Variants in PLPP1 observed in about 807,000 individuals in gnomAD.
The protein encoded by PLPP1 is phospholipid phosphatase 1, also known as lipid phosphate phosphohydrolase 1a.
Under a neutral mutation model 31.2 loss-of-function variants are expected in PLPP1, and 24 were observed. The ratio of observed to expected loss-of-function variants is 0.77; its 90% confidence interval spans 0.56 to 1.08. PLPP1 has a LOEUF of 1.08. Ranked by LOEUF, PLPP1 falls within the 50% of genes least tolerant of loss-of-function variation. The pLI is 0.00. For synonymous variants in PLPP1, 146 were observed against 126.3 expected, an observed-to-expected ratio of 1.16 and a Z score of -1.05; for missense variants, 319 against 342.7, an observed-to-expected ratio of 0.93 and a Z score of 0.55.
At chr5:55,517,322 G>A (rs1404640649) in intron 1 of PLPP1, among the ~76,000 whole-genome samples, 1 of 152,078 alleles carries the variant, frequency 6.6e-6, no homozygotes, top group Admixed American at 6.5e-5. Context: ...GTTAGCTGGG[G>A]ACTACAGGCC....
chr5:55,431,803 CAAA>C (rs543993738), intron 4 of PLPP1, among the ~76,000 whole-genome samples: 4 of 151,818 alleles, frequency 2.6e-5, no homozygotes, highest in African/African-American at 7.3e-5. Context: ...AAAGGATCAA[CAAA>C]AAAAGTTGCT....
chr5:55,451,425 T>C (rs1751888566), intron 3 of PLPP1, among the ~76,000 whole-genome samples: 3 of 152,170 alleles, frequency 2.0e-5, no homozygotes, highest in African/African-American at 7.2e-5. Flanking sequence ...AATGTAAAAT[T>C]ATTAGAGCCC....
chr5:55,503,889 G>T (rs1753201772), intron 1 of PLPP1, among the ~76,000 whole-genome samples: 2 of 56,174 alleles, frequency 3.6e-5, no homozygotes, highest in Admixed American at 3.2e-4. Context: ...AAGTAGAGGG[G>T]GGAGGAAGTA....
At chr5:55,511,417 A>G (rs942607169) in intron 1 of PLPP1, among the ~76,000 whole-genome samples, 1 of 152,186 alleles carries the variant, frequency 6.6e-6, no homozygotes, top group Non-Finnish European at 1.5e-5. Flanking sequence ...AATTTCAGAC[A>G]ATTATATTGA....
chr5:55,530,727 G>C (rs1486887837), intron 1 of PLPP1: 1 of 1,572,592 alleles, frequency 6.4e-7, no homozygotes, highest in Non-Finnish European at 8.8e-7. Flanking sequence ...CACGACACAG[G>C]GGACAATGTG....
chr5:55,513,174 G>A lies in PLPP1; in HGVS notation c.58+21398C>T, dbSNP rs149059292. 3.3e-3 allele frequency among the ~76,000 whole-genome samples: 500 copies of A among 152,056 alleles called. 2 individuals are homozygous for A. The highest frequency in any genetic ancestry group is 0.011 in the African/African-American group (459 of 41,466). On this transcript the variant is annotated intron_variant, in intron 1 of 5. Transcript: ENST00000307259. Reference sequence around the variant, plus strand: ...AATGAAGTCTCCCTTATTAGTAACTGGGAAAGAAATAATTTCTCCTATTTC... The same window carrying A: ...AATGAAGTCTCCCTTATTAGTAACTAGGAAAGAAATAATTTCTCCTATTTC...
chr5:55,446,128 T>C (rs1455142540), intron 3 of PLPP1, among the ~76,000 whole-genome samples: 1 of 152,210 alleles, frequency 6.6e-6, no homozygotes, highest in Non-Finnish European at 1.5e-5. Flanking sequence ...GCTTCTTCTA[T>C]CTGAGGACTC....
chr5:55,425,656 T>TAA (rs1751164706), intron 5 of PLPP1: 1 of 501,474 alleles, frequency 2.0e-6, no homozygotes, highest in Non-Finnish European at 3.3e-6. Flanking sequence ...ATAAAAATAC[T>TAA]AAGATTTTAC....
At chr5:55,511,579 T>C (rs547617917) in intron 1 of PLPP1, among the ~76,000 whole-genome samples, 21 of 150,800 alleles carry the variant, frequency 1.4e-4, no homozygotes, top group Admixed American at 3.3e-4. Context: ...TGGATGATGG[T>C]GAGAATATTA....
intron 3 of PLPP1, among the ~76,000 whole-genome samples, chr5:55,465,714 A>G (rs71622177): frequency 0.057 from 8,706 of 152,070 alleles, 439 homozygotes; most frequent in Admixed American, 0.11. Flanking sequence ...TCTTCTTTAT[A>G]ATTTGTTTTA....
intron 1 of PLPP1, among the ~76,000 whole-genome samples, chr5:55,518,664 G>C (rs906095083): frequency 1.3e-5 from 2 of 152,068 alleles, no homozygotes; most frequent in Non-Finnish European, 2.9e-5. Context: ...TTCTTAGCCA[G>C]GCTAAGTTTA....
chr5:55,467,867 A>T lies in PLPP1; in HGVS notation c.491+2T>A. The T allele has an allele frequency of 6.2e-7, 1 of 1,607,386 alleles. No homozygotes were observed. Among genetic ancestry groups the T allele is most frequent in the Non-Finnish European group, 8.5e-7 (1 of 1,176,192 alleles). On this transcript the variant is annotated splice_donor_variant, in intron 3 of 5. Coordinates refer to ENST00000307259, the MANE Select transcript of PLPP1 (RefSeq NM_003711.4). LOFTEE classifies it high-confidence loss of function. Reference sequence around the variant, plus strand: ...AACAAGCATTAGCGATTTAACACTCACCTGCCTTCCTTAACTCTTTCTGCA... The same window carrying T: ...AACAAGCATTAGCGATTTAACACTCTCCTGCCTTCCTTAACTCTTTCTGCA...
chr5:55,429,423 C>T (rs960472626), intron 4 of PLPP1, among the ~76,000 whole-genome samples: 1 of 152,082 alleles, frequency 6.6e-6, no homozygotes, highest in Non-Finnish European at 1.5e-5. Context: ...AGGCAGGGTA[C>T]CTGGCAGGGA....
At position 55,534,658 on chromosome 5, in the gene PLPP1, C is replaced by G. The variant is rs1243551701; in HGVS notation, c.-29G>C. 1.3e-6 allele frequency: 2 copies of G among 1,531,094 alleles called. No individual in the cohort carries two copies. Among genetic ancestry groups the G allele is most frequent in the East Asian group, 5.3e-5 (2 of 38,084 alleles). The allele number at this position is 1,531,094 out of a possible 1,614,324, so 94.8% of individuals were successfully genotyped here. On this transcript the variant is annotated 5_prime_UTR_variant, in exon 1 of 6. Transcript: ENST00000307259. ...CTCTGCCCGGGCTGCCCGGCAAGGG[C>G]GATGGACTGAGCTGCGGGACGGCGG...
intron 4 of PLPP1, among the ~76,000 whole-genome samples, chr5:55,439,933 T>C (rs1751584881): frequency 6.6e-6 from 1 of 152,150 alleles, no homozygotes; most frequent in Non-Finnish European, 1.5e-5. Flanking sequence ...ATAAATGGAC[T>C]AGGGTTCAGA....
intron 1 of PLPP1, among the ~76,000 whole-genome samples, chr5:55,500,538 C>G (rs1245384877): frequency 6.6e-6 from 1 of 152,004 alleles, no homozygotes; most frequent in Non-Finnish European, 1.5e-5. Context: ...CAAATCAAAT[C>G]AGGGAGAAAA....
intron 4 of PLPP1, among the ~76,000 whole-genome samples, chr5:55,433,645 G>A (rs369089597): frequency 2.7e-5 from 4 of 148,782 alleles, no homozygotes; most frequent in South Asian, 4.4e-4. Flanking sequence ...GAGTACAGGC[G>A]CGTGCCACCA....
chr5:55,453,681 C>A (rs1751942351), intron 3 of PLPP1, among the ~76,000 whole-genome samples: 1 of 152,194 alleles, frequency 6.6e-6, no homozygotes, highest in South Asian at 2.1e-4. Context: ...TGGCTCCCAC[C>A]TGTAATCCTA....
chr5:55,437,255 T>TG (rs1461172869), intron 4 of PLPP1, among the ~76,000 whole-genome samples: 9 of 152,226 alleles, frequency 5.9e-5, no homozygotes, highest in Non-Finnish European at 1.2e-4. Flanking sequence ...AAATAATCGT[T>TG]GAACGAGATA....
Sources: gnomAD v4.1 joint callset for allele counts (sites outside exome capture counted in the v4.1 genomes callset) on GRCh38, gnomAD v4.1.1 for gene constraint, MANE v1.5 for transcripts, NCBI Gene and HGNC (gene_info 2026-07-23, HGNC 2026-07-21) for gene names.